Variants in ADAMTS17 observed in about 807,000 individuals in gnomAD.
The protein encoded by ADAMTS17 is ADAM metallopeptidase with thrombospondin type 1 motif 17.
Under a neutral mutation model 141.5 loss-of-function variants are expected in ADAMTS17, and 113 were observed. The ratio of observed to expected loss-of-function variants is 0.80; its 90% CI spans 0.69 to 0.93. The LOEUF is 0.93. Among genes scored for constraint, ADAMTS17 ranks in the 40% least tolerant of loss-of-function variants. The pLI, the probability that ADAMTS17 is intolerant of heterozygous loss-of-function variation, is 0.00. For synonymous variants in ADAMTS17, 768 were observed against 630.6 expected (o/e 1.22, Z -3.27); for missense variants, 1,659 against 1,517.9 (o/e 1.09, Z -1.54).
At chr15:100,334,498 C>T (rs1166164688) in intron 2 of ADAMTS17, among the ~76,000 whole-genome samples, 1 of 152,098 alleles carries the variant, frequency 6.6e-6, no homozygotes, top group Non-Finnish European at 1.5e-5. Context: ...AACCAGCTTC[C>T]AAGAAGAAAA....
chr15:100,052,582 G>C (rs918755234), intron 16 of ADAMTS17, among the ~76,000 whole-genome samples: 1 of 152,208 alleles, frequency 6.6e-6, no homozygotes, highest in Non-Finnish European at 1.5e-5. Context: ...TCACATTGGT[G>C]TTTGCTAGAG....
intron 14 of ADAMTS17, among the ~76,000 whole-genome samples, chr15:100,106,406 C>A (rs536214327): frequency 6.6e-5 from 10 of 152,232 alleles, no homozygotes; most frequent in African/African-American, 2.4e-4. Flanking sequence ...CTCATGACCA[C>A]AGACTTAGGC....
chr15:100,298,453 G>A (rs1364025008), intron 3 of ADAMTS17, among the ~76,000 whole-genome samples: 1 of 152,278 alleles, frequency 6.6e-6, no homozygotes, highest in South Asian at 2.1e-4. Context: ...CTCCCAGAGG[G>A]AGGGAGAAAC....
Position 100,054,686 on chromosome 15 carries a change from G to A in ADAMTS17, c.2138-632C>T, listed in dbSNP as rs73474412. On this transcript the variant is annotated intron_variant, in intron 15 of 21. Transcript: ENST00000268070. Reference sequence around the variant, plus strand: ...GTGGTGGTCACACTTGGCAGCTGTGGACGAGCAGTGGTTGGGGGCTGAGCG... The same window carrying A: ...GTGGTGGTCACACTTGGCAGCTGTGAACGAGCAGTGGTTGGGGGCTGAGCG... Among the ~76,000 whole-genome samples, 785 of 152,302 alleles carry A rather than the reference G, an allele frequency of 5.2e-3. 10 individuals carry two copies. Among genetic ancestry groups the A allele is most frequent in the African/African-American group, 0.018 (731 of 41,560 alleles).
intron 8 of ADAMTS17, among the ~76,000 whole-genome samples, chr15:100,195,601 A>T (rs1236088885): frequency 9.4e-5 from 11 of 116,878 alleles, no homozygotes; most frequent in African/African-American, 3.8e-4. Context: ...TGACTGGCCC[A>T]TTGTTTGGTC....
chr15:100,298,718 T>C (rs972577471), intron 3 of ADAMTS17, among the ~76,000 whole-genome samples: 4 of 151,980 alleles, frequency 2.6e-5, no homozygotes, highest in African/African-American at 4.8e-5. Flanking sequence ...AGAAGCTGAG[T>C]CTAGTCCAGT....
At chr15:100,236,700 T>C (rs1013782068) in intron 7 of ADAMTS17, among the ~76,000 whole-genome samples, 1 of 152,088 alleles carries the variant, frequency 6.6e-6, no homozygotes, top group African/African-American at 2.4e-5. Context: ...TAGCTGGGCA[T>C]AGTGGTGCGT....
chr15:100,048,821 T>C, intron 18 of ADAMTS17, 36 bp downstream of exon 18: 1 of 1,614,004 alleles, frequency 6.2e-7, no homozygotes, highest in Non-Finnish European at 8.5e-7. Context: ...CGCCCCAGAC[T>C]CTGGTGGGTC....
chr15:100,324,325 A>G (rs999572074), intron 3 of ADAMTS17, among the ~76,000 whole-genome samples: 2 of 152,180 alleles, frequency 1.3e-5, no homozygotes, highest in African/African-American at 4.8e-5. Context: ...ATAAATAGAA[A>G]AAAAAAGCTC....
Position 99,999,341 on chromosome 15 carries a change from G to A in ADAMTS17, c.2592-1752C>T, listed in dbSNP as rs113269333. On this transcript the variant is annotated intron_variant, in intron 18 of 21. Transcript: ENST00000268070. ...GTGCTCTAGAGACAAGTCAAGCAGC[G>A]TGAGCAGAACAGGGAGTGGGTGGGG... 1.8e-3 allele frequency among the ~76,000 whole-genome samples: 267 copies of A among 152,324 alleles called. 3 individuals carry two copies. Among genetic ancestry groups the A allele is most frequent in the Middle Eastern group, 6.8e-3 (2 of 294 alleles).
At chr15:100,319,614 G>A (rs778439812) in intron 3 of ADAMTS17, among the ~76,000 whole-genome samples, 8 of 152,220 alleles carry the variant, frequency 5.3e-5, no homozygotes, top group Non-Finnish European at 7.3e-5. Flanking sequence ...GGAGGCTGAG[G>A]CAAGAGAATC....
chr15:100,156,700 C>G (rs1366274606), intron 8 of ADAMTS17, among the ~76,000 whole-genome samples: 1 of 152,272 alleles, frequency 6.6e-6, no homozygotes, highest in South Asian at 2.1e-4. Flanking sequence ...TAGCCAGTAG[C>G]TAAGATAGAC....
intron 8 of ADAMTS17, among the ~76,000 whole-genome samples, chr15:100,186,889 G>T (rs751232230): frequency 1.3e-5 from 2 of 152,146 alleles, no homozygotes; most frequent in Non-Finnish European, 2.9e-5. Context: ...TATTAATATC[G>T]TAAGTTGAAA....
At chr15:100,235,783 A>G (rs1288520673) in intron 7 of ADAMTS17, among the ~76,000 whole-genome samples, 2 of 152,192 alleles carry the variant, frequency 1.3e-5, no homozygotes, top group African/African-American at 4.8e-5. Flanking sequence ...GCCAATGATG[A>G]TGGGGCATTT....
At chr15:100,069,552 A>G (rs2033816862) in intron 15 of ADAMTS17, among the ~76,000 whole-genome samples, 1 of 152,232 alleles carries the variant, frequency 6.6e-6, no homozygotes, top group Admixed American at 6.5e-5. Flanking sequence ...CTCTTGGCAG[A>G]AACTCTACAA....
At chr15:100,212,769 G>A (rs898854506) in intron 7 of ADAMTS17, among the ~76,000 whole-genome samples, 1 of 144,122 alleles carries the variant, frequency 6.9e-6, no homozygotes, top group Non-Finnish European at 1.5e-5. Flanking sequence ...TAGAAAACAT[G>A]AGGAAAGGTC....
intron 3 of ADAMTS17, among the ~76,000 whole-genome samples, chr15:100,289,485 A>G (rs576190774): frequency 2.0e-5 from 3 of 152,136 alleles, no homozygotes; most frequent in Non-Finnish European, 2.9e-5. Context: ...AACTCATTCT[A>G]TATGGTCAGC....
intron 7 of ADAMTS17, among the ~76,000 whole-genome samples, chr15:100,236,874 A>G (rs1484752181): frequency 2.6e-5 from 4 of 152,040 alleles, no homozygotes; most frequent in Non-Finnish European, 5.9e-5. Context: ...TACTTGTTCC[A>G]TGCTCCCTCT....
At chr15:100,221,540 CG>C (rs1378159832) in intron 7 of ADAMTS17, among the ~76,000 whole-genome samples, 10 of 152,148 alleles carry the variant, frequency 6.6e-5, no homozygotes, top group African/African-American at 2.4e-4. Context: ...CCTGAGATAA[CG>C]GAAGTTCTAA....
Sources: allele counts gnomAD v4.1 joint callset (sites outside exome capture counted in the v4.1 genomes callset), GRCh38; gene constraint gnomAD v4.1.1; transcripts MANE v1.5; gene names NCBI Gene and HGNC (gene_info 2026-07-23, HGNC 2026-07-21).